The following MAN1C1 variants were observed in gnomAD, a reference collection of about 807,000 sequenced individuals.
MAN1C1 encodes the protein mannosyl-oligosaccharide 1,2-alpha-mannosidase IC.
MAN1C1 carries 49 observed loss-of-function variants against 71.5 expected under a neutral mutation model. That is an observed-to-expected ratio of 0.69 (90% CI 0.54 to 0.87). The LOEUF (loss-of-function observed/expected upper bound fraction) is 0.87. Among genes scored for constraint, MAN1C1 ranks in the 40% least tolerant of loss-of-function variants. MAN1C1 has a pLI of 0.00. For missense variants in MAN1C1, 743 were observed against 835.0 expected, an observed-to-expected ratio of 0.89 and a Z score of 1.36; for synonymous variants, 352 against 343.7, an observed-to-expected ratio of 1.02 and a Z score of -0.27.
intron 1 of MAN1C1, among the ~76,000 whole-genome samples, chr1:25,636,658 C>T (rs534275455): frequency 6.6e-6 from 1 of 152,316 alleles, no homozygotes; most frequent in East Asian, 1.9e-4. Flanking sequence ...TCAATTTGTA[C>T]AGTTAAGACA....
intron 2 of MAN1C1, among the ~76,000 whole-genome samples, chr1:25,745,591 C>T (rs1279318029): frequency 1.3e-5 from 2 of 152,164 alleles, no homozygotes; most frequent in East Asian, 1.9e-4. Context: ...AGGCACAGGT[C>T]GACCTCACCT....
At chr1:25,685,542 A>C (rs372257284) in intron 1 of MAN1C1, among the ~76,000 whole-genome samples, 1 of 152,234 alleles carries the variant, frequency 6.6e-6, no homozygotes, top group African/African-American at 2.4e-5. Context: ...GTGACCTTGC[A>C]TCTGCTTCAG....
At chr1:25,638,686 C>T (rs914924359) in intron 1 of MAN1C1, among the ~76,000 whole-genome samples, 4 of 152,016 alleles carry the variant, frequency 2.6e-5, no homozygotes, top group South Asian at 2.1e-4. Context: ...TCTTTCTTTA[C>T]GCCAAAGATG....
chr1:25,750,457 C>T (rs1222785822), intron 4 of MAN1C1, among the ~76,000 whole-genome samples: 1 of 152,134 alleles, frequency 6.6e-6, no homozygotes. Flanking sequence ...GATGCCTGCC[C>T]CCCGCCACCC....
rs554007417 is a variant in MAN1C1 at position 25,634,348 on chromosome 1, TG to T, written c.540+16012del. ...GCCAGTCTTTCATCATTAAGTATGA[TG>T]TTAGATGTAGGTTTTTGGTAGATGC... On this transcript the variant is annotated intron_variant, in intron 1 of 11. Transcript: ENST00000374332. This position sits in a 1 kb window ranked among gnomAD's most constrained non-coding sequence, Gnocchi z 4.6. Among the ~76,000 whole-genome samples, 215 of 152,326 alleles carry T rather than the reference TG, an allele frequency of 1.4e-3. No individual in the cohort carries two copies. Among genetic ancestry groups the T allele is most frequent in the African/African-American group, 5.0e-3 (207 of 41,584 alleles).
chr1:25,642,982 G>T (rs140644597), intron 1 of MAN1C1, among the ~76,000 whole-genome samples: 4 of 152,264 alleles, frequency 2.6e-5, no homozygotes, highest in Non-Finnish European at 4.4e-5. Flanking sequence ...GTGATAGATT[G>T]ATTGGAAATG....
intron 2 of MAN1C1, among the ~76,000 whole-genome samples, chr1:25,708,828 G>A (rs2046563045): frequency 6.6e-6 from 1 of 152,038 alleles, no homozygotes; most frequent in Non-Finnish European, 1.5e-5. Flanking sequence ...AGGTTGCAGT[G>A]AGCTGAGATT....
At chr1:25,743,346 C>G (rs1196903515) in intron 2 of MAN1C1, among the ~76,000 whole-genome samples, 1 of 152,244 alleles carries the variant, frequency 6.6e-6, no homozygotes, top group African/African-American at 2.4e-5. Flanking sequence ...AGCGTCCAAG[C>G]TGGCTCTTTG....
intron 2 of MAN1C1, among the ~76,000 whole-genome samples, chr1:25,742,478 G>A (rs1177061077): frequency 4.6e-5 from 7 of 152,182 alleles, no homozygotes; most frequent in East Asian, 1.9e-4. Flanking sequence ...TCACGCTCAC[G>A]TTGCCCTGCA....
At chr1:25,708,590 A>G (rs1295124245) in intron 2 of MAN1C1, among the ~76,000 whole-genome samples, 1 of 152,148 alleles carries the variant, frequency 6.6e-6, no homozygotes, top group African/African-American at 2.4e-5. Context: ...GTCCCTATTC[A>G]AGATGGAGTT....
intron 1 of MAN1C1, among the ~76,000 whole-genome samples, chr1:25,627,133 T>C (rs1247680519): frequency 1.3e-5 from 2 of 152,200 alleles, no homozygotes; most frequent in African/African-American, 4.8e-5. Flanking sequence ...TGAAAAAAAC[T>C]TTCCTTTCCC....
intron 1 of MAN1C1, among the ~76,000 whole-genome samples, chr1:25,684,015 G>A (rs2046192853): frequency 6.6e-6 from 1 of 152,182 alleles, no homozygotes; most frequent in South Asian, 2.1e-4. Flanking sequence ...TGCAGTGACA[G>A]CTTCTTTGAG....
At chr1:25,731,163 A>T (rs560647503) in intron 2 of MAN1C1, among the ~76,000 whole-genome samples, 1 of 152,354 alleles carries the variant, frequency 6.6e-6, no homozygotes, top group East Asian at 1.9e-4. Flanking sequence ...CAAAAAAATT[A>T]GCCAGGCGTG....
intron 1 of MAN1C1, among the ~76,000 whole-genome samples, chr1:25,677,754 CT>C (rs1228647709): frequency 6.7e-6 from 1 of 148,956 alleles, no homozygotes. Flanking sequence ...TTAAAATTCT[CT>C]TTGACTCTGG....
intron 2 of MAN1C1, among the ~76,000 whole-genome samples, chr1:25,734,983 C>T (rs989919312): frequency 2.6e-5 from 4 of 152,124 alleles, no homozygotes; most frequent in Non-Finnish European, 4.4e-5. Context: ...TGGATTGAGA[C>T]GTGTGGGGAC....
intron 1 of MAN1C1, among the ~76,000 whole-genome samples, chr1:25,673,192 A>C (rs974427136): frequency 4.0e-4 from 61 of 152,198 alleles, no homozygotes; most frequent in Non-Finnish European, 1.2e-4. Context: ...CTCCCGATGC[A>C]GGGAAGACGA....
chr1:25,751,406 A>T (rs1158582366), intron 4 of MAN1C1, among the ~76,000 whole-genome samples: 1 of 151,612 alleles, frequency 6.6e-6, no homozygotes, highest in African/African-American at 2.4e-5. Context: ...CTTCAAGGGC[A>T]TCTGTGGTTC....
intron 5 of MAN1C1, among the ~76,000 whole-genome samples, chr1:25,756,721 C>T (rs576815150): frequency 3.9e-5 from 6 of 152,204 alleles, no homozygotes; most frequent in South Asian, 4.1e-4. Flanking sequence ...ATCCTGTCTC[C>T]GTCGTCTTCC....
chr1:25,635,438 CTTT>C (rs747915977), intron 1 of MAN1C1, among the ~76,000 whole-genome samples: 9 of 131,480 alleles, frequency 6.8e-5, no homozygotes, highest in Admixed American at 1.5e-4. Context: ...TTCTTTCTTT[CTTT>C]TTTTTTTTTT....
Sources: gnomAD v4.1 joint callset for allele counts (sites outside exome capture counted in the v4.1 genomes callset) on GRCh38, gnomAD v4.1.1 for gene constraint, Gnocchi (gnomAD v3.1) non-coding constraint, MANE v1.5 for transcripts, NCBI Gene and HGNC (gene_info 2026-07-23, HGNC 2026-07-21) for gene names.